Variants in GPR158 observed in about 807,000 individuals in gnomAD.
GPR158 encodes metabotropic glycine receptor.
A neutral mutation model predicts 78.2 loss-of-function variants in GPR158; 30 were observed. That is an observed-to-expected ratio of 0.38 (90% CI 0.29 to 0.52). The LOEUF (loss-of-function observed/expected upper bound fraction) is 0.52, where lower values mean the gene tolerates loss of function less well. Ranked by LOEUF, GPR158 falls within the 20% of genes least tolerant of loss-of-function variation. The pLI is 0.83. For missense variants in GPR158, 1,463 were observed against 1,523.5 expected (o/e 0.96, Z 0.66); for synonymous variants, 581 against 591.1 (o/e 0.98, Z 0.25).
At chr10:25,387,232 C>G (rs559045146) in intron 2 of GPR158, among the ~76,000 whole-genome samples, 1 of 152,042 alleles carries the variant, frequency 6.6e-6, no homozygotes, top group Non-Finnish European at 1.5e-5. Context: ...TTGAGATGAT[C>G]GTTTGGTTTT....
At chr10:25,443,931 T>G (rs1329935928) in intron 4 of GPR158, among the ~76,000 whole-genome samples, 1 of 152,102 alleles carries the variant, frequency 6.6e-6, no homozygotes, top group African/African-American at 2.4e-5. Flanking sequence ...TATGTCCTAT[T>G]GCAGTTTTGG....
chr10:25,214,873 A>G (rs1397790911), intron 1 of GPR158, among the ~76,000 whole-genome samples: 1 of 152,120 alleles, frequency 6.6e-6, no homozygotes, highest in Non-Finnish European at 1.5e-5. Flanking sequence ...TTAAACTTCT[A>G]GCTTAAAGAA....
chr10:25,524,195 A>T (rs1047010380), intron 5 of GPR158, among the ~76,000 whole-genome samples: 1 of 152,198 alleles, frequency 6.6e-6, no homozygotes, highest in African/African-American at 2.4e-5. Flanking sequence ...GGATTAGAAA[A>T]CTGAATAGGT....
In GPR158 at chr10:25,598,495, G is replaced by GC. The variant is rs1301627389; in HGVS notation, c.2875dup (p.Gln959ProfsTer31). On this transcript the variant is annotated frameshift_variant, in exon 11 of 11. Coordinates refer to ENST00000376351, the MANE Select transcript of GPR158 (RefSeq NM_020752.3). LOFTEE classifies it low-confidence loss of function (END_TRUNC). Reference sequence around the variant, plus strand: ...TGATAACACAGAGACTAAAGATCCTGCCCCCCAAAACTCAAATCCTGCGGA... The same window carrying GC: ...TGATAACACAGAGACTAAAGATCCTGCCCCCCCAAAACTCAAATCCTGCGGA... The GC allele has an allele frequency of 6.2e-7, 1 of 1,613,942 alleles. No individual in the cohort carries two copies. Among genetic ancestry groups the GC allele is most frequent in the Non-Finnish European group, 8.5e-7 (1 of 1,179,988 alleles).
chr10:25,599,003 C>T lies in GPR158; in HGVS notation c.3377C>T (p.Ala1126Val). The T allele has an allele frequency of 6.2e-7, 1 of 1,614,112 alleles. No individual in the cohort carries two copies. Among genetic ancestry groups the T allele is most frequent in the Non-Finnish European group, 8.5e-7 (1 of 1,180,014 alleles). Residue 1126 changes from alanine (A) to valine (V), a missense_variant, in exon 11 of 11, where the codon GCA (alanine) becomes GTA (valine). Transcript: ENST00000376351. ...GAAGAACTGCCCCCCAAAGCTGTAG[C>T]ATCAAAAACAGAGAATGAAAATCTC... ...QSEELPPKAV[A>V]SKTENENLNQ...
intron 2 of GPR158, among the ~76,000 whole-genome samples, chr10:25,394,482 A>G (rs898023471): frequency 2.0e-5 from 3 of 152,156 alleles, no homozygotes; most frequent in African/African-American, 4.8e-5. Context: ...CTGGAGCTTT[A>G]TAAACAGTAC....
At chr10:25,410,493 G>A (rs1023825439) in intron 3 of GPR158, among the ~76,000 whole-genome samples, 7 of 152,136 alleles carry the variant, frequency 4.6e-5, no homozygotes, top group Admixed American at 2.0e-4. Context: ...GCGCGTGTCT[G>A]TAGTCCCAGC....
In GPR158 at chr10:25,579,192, A is replaced by G. The variant is rs554584167; in HGVS notation, c.1753+6305A>G. Among the ~76,000 whole-genome samples the G allele has an allele frequency of 2.6e-5, 4 of 151,806 alleles. No homozygotes were observed. In the East Asian group the frequency reaches 7.8e-4, roughly 29 times the overall value. On this transcript the variant is annotated intron_variant, in intron 7 of 10. Transcript: ENST00000376351. ...TAAATCCTCCTACCCTGGTTGGTAA[A>G]TTGGCAGTCAATTGTCCATGTTCAG...
At chr10:25,207,080 C>T (rs1206491680) in intron 1 of GPR158, among the ~76,000 whole-genome samples, 1 of 152,018 alleles carries the variant, frequency 6.6e-6, no homozygotes, top group African/African-American at 2.4e-5. Flanking sequence ...CAGAGATTCA[C>T]TGCCTTTACA....
At chr10:25,370,224 T>G (rs59116060) in intron 2 of GPR158, among the ~76,000 whole-genome samples, 19,453 of 142,038 alleles carry the variant, frequency 0.14, 1,663 homozygotes, top group African/African-American at 0.23. Context: ...TGAATGTGTT[T>G]GCTCTTGCTT....
At chr10:25,204,596 T>A (rs937036004) in intron 1 of GPR158, among the ~76,000 whole-genome samples, 11 of 152,120 alleles carry the variant, frequency 7.2e-5, no homozygotes, top group African/African-American at 1.4e-4. Flanking sequence ...CATCCCAGGG[T>A]TGAAGCCCAC....
chr10:25,299,630 A>G (rs1165155596), intron 2 of GPR158, among the ~76,000 whole-genome samples: 2 of 152,044 alleles, frequency 1.3e-5, no homozygotes, highest in African/African-American at 4.8e-5. Flanking sequence ...TTCTTCATCC[A>G]TTCATCTTCT....
intron 2 of GPR158, among the ~76,000 whole-genome samples, chr10:25,324,908 A>G (rs557520942): frequency 6.9e-6 from 1 of 144,642 alleles, no homozygotes; most frequent in African/African-American, 2.6e-5. Flanking sequence ...GCATGATCAT[A>G]GCTCACTCCA....
chr10:25,384,828 T>G (rs1448780481), intron 2 of GPR158, among the ~76,000 whole-genome samples: 4 of 152,156 alleles, frequency 2.6e-5, no homozygotes, highest in African/African-American at 7.2e-5. Flanking sequence ...GCAATTATGT[T>G]TACCAGGAGT....
intron 2 of GPR158, among the ~76,000 whole-genome samples, chr10:25,275,256 T>C (rs901399318): frequency 1.1e-4 from 17 of 152,192 alleles, no homozygotes; most frequent in African/African-American, 4.1e-4. Flanking sequence ...CACAATCATC[T>C]GGGGAACCTG....
intron 1 of GPR158, among the ~76,000 whole-genome samples, chr10:25,179,345 A>G (rs552692746): frequency 7.2e-5 from 11 of 152,328 alleles, no homozygotes; most frequent in African/African-American, 2.6e-4. Context: ...TGTATAACAG[A>G]AAATCCATTG....
chr10:25,176,401 G>A lies in GPR158; in HGVS notation c.902+79G>A, dbSNP rs554500530. The A allele has an allele frequency of 2.7e-6, 3 of 1,099,604 alleles. No individual in the cohort carries two copies. The South Asian group carries it at 4.8e-5, about 17-fold the overall frequency. The allele number at this position is 1,099,604 out of a possible 1,614,324, so 68.1% of individuals were successfully genotyped here. ...TCTTGTGGGTGGGTGCACGTGTGAG[G>A]AAGGAACCCTTGGCTGTGACGCGAA... On this transcript the variant is annotated intron_variant, in intron 1 of 10. Transcript: ENST00000376351. The surrounding 1 kb of genome is among the most constrained non-coding windows in gnomAD (Gnocchi z 6.3).
chr10:25,304,606 G>A (rs573517574), intron 2 of GPR158, among the ~76,000 whole-genome samples: 1 of 151,920 alleles, frequency 6.6e-6, no homozygotes, highest in African/African-American at 2.4e-5. Context: ...TCTATATATA[G>A]AGAGAGATTT....
chr10:25,593,870 T>A (rs983839477), intron 8 of GPR158, among the ~76,000 whole-genome samples: 10 of 152,128 alleles, frequency 6.6e-5, no homozygotes, highest in Non-Finnish European at 1.5e-4. Flanking sequence ...CCACTTTTTC[T>A]TAATTATAAC....
Sources: gnomAD v4.1 joint callset for allele counts (sites outside exome capture counted in the v4.1 genomes callset) on GRCh38, gnomAD v4.1.1 for gene constraint, Gnocchi (gnomAD v3.1) non-coding constraint, MANE v1.5 for transcripts, NCBI Gene and HGNC (gene_info 2026-07-23, HGNC 2026-07-21) for gene names.